Variants in SLC25A48 observed in about 807,000 individuals in gnomAD.
The protein encoded by SLC25A48 is CTC-321K16.1.
A neutral mutation model predicts 32.2 loss-of-function variants in SLC25A48; 29 were observed. The observed-to-expected ratio is 0.90, with a 90% confidence interval of 0.67 to 1.23. SLC25A48 has a LOEUF of 1.23. Among genes scored for constraint, SLC25A48 ranks in the 50% most tolerant of loss-of-function variants. The pLI is 0.00. For synonymous variants in SLC25A48, 164 were observed against 172.3 expected (o/e 0.95, Z 0.38); for missense variants, 399 against 422.7 (o/e 0.94, Z 0.49).
At chr5:135,653,226 G>C (rs1717219072) in intron 3 of SLC25A48, among the ~76,000 whole-genome samples, 1 of 152,146 alleles carries the variant, frequency 6.6e-6, no homozygotes, top group African/African-American at 2.4e-5. Context: ...AACAGACCAG[G>C]ACAAGGCCAC....
chr5:135,585,716 A>G (rs984032169), intron 1 of SLC25A48, among the ~76,000 whole-genome samples: 2 of 152,156 alleles, frequency 1.3e-5, no homozygotes, highest in African/African-American at 2.4e-5. Flanking sequence ...CCTGGTCTAG[A>G]GTACTAGTCT....
intron 7 of SLC25A48, among the ~76,000 whole-genome samples, chr5:135,886,476 G>T (rs1397506357): frequency 3.3e-5 from 5 of 151,016 alleles, no homozygotes; most frequent in African/African-American, 1.2e-4. Context: ...GGGTCAGCCA[G>T]CAATGGATCT....
intron 3 of SLC25A48, among the ~76,000 whole-genome samples, chr5:135,693,599 T>C (rs1395003294): frequency 2.0e-5 from 3 of 152,228 alleles, no homozygotes; most frequent in Non-Finnish European, 4.4e-5. Flanking sequence ...ATTACTTCAC[T>C]CTTTCCTGTT....
intron 3 of SLC25A48, among the ~76,000 whole-genome samples, chr5:135,674,349 G>A (rs537006962): frequency 4.3e-4 from 65 of 151,870 alleles, no homozygotes; most frequent in Non-Finnish European, 5.0e-4. Context: ...ACCTTACTCT[G>A]CTATTAAACA....
rs5871571 is a variant in SLC25A48 at position 135,685,431 on chromosome 5, C to CTTT, written c.-521+50491_-521+50493dup. 1.0e-4 allele frequency among the ~76,000 whole-genome samples: 13 copies of CTTT among 129,714 alleles called. 1 individual carries two copies. The highest frequency in any genetic ancestry group is 1.6e-4 in the Non-Finnish European group (10 of 62,338). 85.1% of individuals were successfully genotyped at this position (129,714 alleles called of 152,430 possible). A position where few individuals can be genotyped will look rare whatever the true frequency, so the allele number is the denominator to read the frequency against. Reference sequence around the variant, plus strand: ...GAAGAAGCTGTTTTAGATGTAAGGACTTTTTTTTTTTTTTTTTTGAGACAG... The same window carrying CTTT: ...GAAGAAGCTGTTTTAGATGTAAGGACTTTTTTTTTTTTTTTTTTTTTGAGACAG... On this transcript the variant is annotated intron_variant, in intron 3 of 10. Coordinates refer to the SLC25A48 transcript ENST00000646290.
intron 3 of SLC25A48, among the ~76,000 whole-genome samples, chr5:135,687,157 G>T (rs777419147): frequency 2.0e-5 from 3 of 152,152 alleles, no homozygotes; most frequent in Non-Finnish European, 4.4e-5. Flanking sequence ...GAGACTGAAA[G>T]AATTCTGACA....
intron 4 of SLC25A48, among the ~76,000 whole-genome samples, chr5:135,861,226 A>T (rs1760760804): frequency 6.6e-6 from 1 of 152,164 alleles, no homozygotes; most frequent in African/African-American, 2.4e-5. Context: ...AGAAACACTA[A>T]CCATGTTATT....
At chr5:135,793,505 A>C (rs1311186193) in intron 3 of SLC25A48, among the ~76,000 whole-genome samples, 1 of 151,886 alleles carries the variant, frequency 6.6e-6, no homozygotes, top group African/African-American at 2.4e-5. Context: ...GTAGGTGTTC[A>C]CCATGTTTGT....
intron 3 of SLC25A48, among the ~76,000 whole-genome samples, chr5:135,646,678 T>TATATATATATATACACAC (rs966073970): frequency 7.3e-6 from 1 of 136,752 alleles, no homozygotes; most frequent in African/African-American, 2.7e-5. Context: ...TATATATATA[T>TATATATATATATACACAC]ACAATGGGAA....
At chr5:135,724,197 T>G (rs1755035736) in intron 3 of SLC25A48, among the ~76,000 whole-genome samples, 1 of 152,274 alleles carries the variant, frequency 6.6e-6, no homozygotes, top group African/African-American at 2.4e-5. Flanking sequence ...GCGTTTTCCC[T>G]GTGCCAGGCA....
intron 3 of SLC25A48, among the ~76,000 whole-genome samples, chr5:135,787,156 A>C (rs35660789): frequency 6.6e-6 from 1 of 151,762 alleles, no homozygotes; most frequent in East Asian, 1.9e-4. Flanking sequence ...CTGTGATATT[A>C]TTCATATAAT....
At chr5:135,666,655 A>T (rs1753531787) in intron 3 of SLC25A48, among the ~76,000 whole-genome samples, 1 of 123,980 alleles carries the variant, frequency 8.1e-6, no homozygotes, top group African/African-American at 3.1e-5. Context: ...GGTTCAGGGC[A>T]TCAGAGAGAG....
chr5:135,746,922 T>G (rs1755654538), intron 3 of SLC25A48, among the ~76,000 whole-genome samples: 1 of 152,066 alleles, frequency 6.6e-6, no homozygotes, highest in Non-Finnish European at 1.5e-5. Context: ...TTATAGAATA[T>G]CCCATAATCT....
chr5:135,861,015 T>C (rs1760737007), intron 4 of SLC25A48, among the ~76,000 whole-genome samples: 3 of 152,140 alleles, frequency 2.0e-5, no homozygotes, highest in African/African-American at 7.2e-5. Flanking sequence ...TGTCTCTTAG[T>C]GGTGATCCAT....
At chr5:135,582,652 G>T (rs1220566223) in intron 1 of SLC25A48, among the ~76,000 whole-genome samples, 3 of 152,112 alleles carry the variant, frequency 2.0e-5, no homozygotes, top group Non-Finnish European at 4.4e-5. Context: ...CCCCAGCAGT[G>T]CGCACCCAAT....
intron 7 of SLC25A48, among the ~76,000 whole-genome samples, chr5:135,885,904 G>A (rs1762695932): frequency 6.6e-6 from 1 of 152,068 alleles, no homozygotes; most frequent in South Asian, 2.1e-4. Flanking sequence ...AAATGGAGGG[G>A]CAGAATAACA....
At chr5:135,801,710 A>C (rs1580895946) in intron 3 of SLC25A48, among the ~76,000 whole-genome samples, 1 of 151,646 alleles carries the variant, frequency 6.6e-6, no homozygotes, top group South Asian at 2.1e-4. Context: ...TTAGAAGGAG[A>C]GGGGATGATA....
At chr5:135,646,579 A>C (rs1752962864) in intron 3 of SLC25A48, among the ~76,000 whole-genome samples, 1 of 151,188 alleles carries the variant, frequency 6.6e-6, no homozygotes, top group African/African-American at 2.4e-5. Flanking sequence ...CATGTAAAGT[A>C]CTGATTAAAT....
intron 7 of SLC25A48, among the ~76,000 whole-genome samples, chr5:135,885,214 C>A (rs1051113329): frequency 2.0e-5 from 3 of 152,192 alleles, no homozygotes; most frequent in Admixed American, 1.3e-4. Flanking sequence ...GGACCCACCT[C>A]CCATTGCTCT....
Sources: allele counts gnomAD v4.1 joint callset (sites outside exome capture counted in the v4.1 genomes callset), GRCh38; gene constraint gnomAD v4.1.1; transcripts MANE v1.5; gene names NCBI Gene and HGNC (gene_info 2026-07-23, HGNC 2026-07-21).